The following SETX variants were observed in gnomAD, a reference collection of about 807,000 sequenced individuals.
The protein encoded by SETX is senataxin, also known as helicase senataxin.
SETX carries 90 observed loss-of-function variants against 227.2 expected under a neutral mutation model. The ratio of observed to expected loss-of-function variants is 0.40; its 90% CI spans 0.33 to 0.47. The LOEUF is 0.47. SETX is among the 20% of genes least tolerant of loss of function. The pLI, the probability that SETX is intolerant of heterozygous loss-of-function variation, is 0.91. For synonymous variants in SETX, 1,210 were observed against 1,113.2 expected, an observed-to-expected ratio of 1.09 and a Z score of -1.73; for missense variants, 3,052 against 3,181.5, an observed-to-expected ratio of 0.96 and a Z score of 0.98.
chr9:132,268,185 T>C (rs1047534781), intron 25 of SETX, among the ~76,000 whole-genome samples: 4 of 152,180 alleles, frequency 2.6e-5, no homozygotes, highest in Non-Finnish European at 4.4e-5. Flanking sequence ...GAGATAACTA[T>C]AGATTTACAG....
At chr9:132,301,383 G>A (rs918738742) in intron 11 of SETX, among the ~76,000 whole-genome samples, 6 of 151,952 alleles carry the variant, frequency 3.9e-5, no homozygotes, top group Non-Finnish European at 8.8e-5. Flanking sequence ...CACTGTGCCT[G>A]GCCTATTCTG....
Position 132,313,694 on chromosome 9 carries a change from A to C in SETX, c.5275-1838T>G, listed in dbSNP as rs1265331558. Among the ~76,000 whole-genome samples, 12 of 152,290 alleles carry C rather than the reference A, an allele frequency of 7.9e-5. No homozygotes were observed. The South Asian group carries it at 2.3e-3, about 29-fold the overall frequency. The stretch of plus-strand genomic sequence containing the variant: ...GTTTCACACTAAATGAAATAACTTC[A>C]AAGTACAAACAAGTGTATGTTTGTG... On this transcript the variant is annotated intron_variant, in intron 10 of 25. Transcript: ENST00000224140.
At position 132,342,706 on chromosome 9, in the gene SETX, A is replaced by C. The variant is rs1848052674; in HGVS notation, c.482T>G (p.Val161Gly). The C allele has an allele frequency of 6.2e-7, 1 of 1,612,482 alleles. No homozygotes were observed. The highest frequency in any genetic ancestry group is 8.5e-7 in the Non-Finnish European group (1 of 1,178,602). ...DKHPGIYLFLVHPNEMVRRWA... is the reference protein window; with the variant it reads ...DKHPGIYLFLGHPNEMVRRWA... ...CACACTCACCATTTCATTGGGATGG[A>C]CTAAAAACAAATAGATCCCTGGATG... Residue 161 changes from valine (V) to glycine (G), a missense_variant, in exon 5 of 26, where the codon GTC becomes GGC. By Grantham distance (109) the Val-to-Gly change is moderately radical. This residue lies in a region of SETX where 239 missense variants were observed against 240.8 expected (regional missense o/e 0.99). Coordinates refer to ENST00000224140, the MANE Select transcript of SETX (RefSeq NM_015046.7).
intron 25 of SETX, among the ~76,000 whole-genome samples, chr9:132,265,573 C>A (rs1305943749): frequency 3.9e-5 from 6 of 152,120 alleles, no homozygotes; most frequent in Admixed American, 2.6e-4. Flanking sequence ...CAGGTCTGCA[C>A]TAGTCACTAG....
intron 18 of SETX, among the ~76,000 whole-genome samples, chr9:132,285,860 C>T (rs979699877): frequency 1.5e-5 from 2 of 129,148 alleles, no homozygotes. Flanking sequence ...AGCCTGGCAA[C>T]AGAGTGAGAC....
chr9:132,284,416 T>TA (rs1843718301), intron 18 of SETX, among the ~76,000 whole-genome samples: 3 of 152,228 alleles, frequency 2.0e-5, no homozygotes, highest in African/African-American at 7.2e-5. Context: ...AACTATATTT[T>TA]AGTCACATAG....
chr9:132,355,444 T>G (rs1848861575), upstream of SETX, among the ~76,000 whole-genome samples: 1 of 152,252 alleles, frequency 6.6e-6, no homozygotes, highest in South Asian at 2.1e-4. Flanking sequence ...AAATGTAAAT[T>G]ACATAAACGT....
Position 132,329,475 on chromosome 9 carries a change from CTTATT to C in SETX, c.2118_2122del (p.Ile707TyrfsTer29). 1 of 1,612,512 alleles carries C rather than the reference CTTATT, an allele frequency of 6.2e-7. No individual in the cohort carries two copies. ...TTTTACAGACTTCTGCTTCCTTGTACTTATTTTAATTTGATCTTCAGCTCTTTCAG... is the reference window on the plus strand; with the variant it reads ...TTTTACAGACTTCTGCTTCCTTGTACTTAATTTGATCTTCAGCTCTTTCAG... On this transcript the variant is annotated frameshift_variant, in exon 10 of 26. Transcript: ENST00000224140. LOFTEE classifies it high-confidence loss of function.
At chr9:132,286,138 A>G (rs964512413) in intron 18 of SETX, among the ~76,000 whole-genome samples, 12 of 148,804 alleles carry the variant, frequency 8.1e-5, no homozygotes, top group Admixed American at 6.1e-4. Context: ...AGCCAAGATC[A>G]CGCCACTATA....
chr9:132,339,941 T>C (rs1847859309), intron 5 of SETX, among the ~76,000 whole-genome samples: 1 of 152,172 alleles, frequency 6.6e-6, no homozygotes, highest in Non-Finnish European at 1.5e-5. Context: ...TTTGTCCTGA[T>C]TTTTATTTTT....
chr9:132,279,060 C>CT lies in SETX; in HGVS notation c.6655-804dup, dbSNP rs144696241. On this transcript the variant is annotated intron_variant, in intron 20 of 25. Transcript: ENST00000224140. Reference sequence around the variant, plus strand: ...GTGAACTTTAAGCATAAAGTCAGCACTTGGGAAGTTTCAGATGGTGAAGCA... The same window carrying CT: ...GTGAACTTTAAGCATAAAGTCAGCACTTTGGGAAGTTTCAGATGGTGAAGCA... Among the ~76,000 whole-genome samples, 1,315 of 152,330 alleles carry CT rather than the reference C, an allele frequency of 8.6e-3. 15 individuals are homozygous for CT. Among genetic ancestry groups the CT allele is most frequent in the African/African-American group, 0.024 (1,001 of 41,590 alleles).
chr9:132,327,818 T>C lies in SETX; in HGVS notation c.3780A>G (p.Leu1260=), dbSNP rs375854407. 1.9e-6 allele frequency: 3 copies of C among 1,614,056 alleles called. No individual in the cohort carries two copies. In the African/African-American group the frequency reaches 4.0e-5, roughly 22 times the overall value. ...CTATAGCAGGAGTTGTTCTACAACT[T>C]AGGTAATTTGAACTTCTATTCTGTC... ...KKGQNRSSNY[L]SCRTTPAIVP... The change falls in exon 10 of 26, where the codon CTA becomes CTG. Residue 1260 remains leucine (L), a synonymous_variant. Transcript: ENST00000224140.
At chr9:132,281,723 A>G (rs1843524774) in intron 19 of SETX, 149 bp from the exon 20 acceptor site, 1 of 692,146 alleles carries the variant, frequency 1.4e-6, no homozygotes. Flanking sequence ...TGAAAACAAA[A>G]AAACAAAACA....
chr9:132,283,039 C>T (rs891787816), intron 19 of SETX: 4 of 557,008 alleles, frequency 7.2e-6, no homozygotes, highest in Non-Finnish European at 9.6e-6. Flanking sequence ...TGTTAGAAAC[C>T]ATCAGTCATC....
intron 25 of SETX, among the ~76,000 whole-genome samples, chr9:132,267,316 TCTCTAGAGATCCTTAGCCTGTGGCTCAAA>T (rs1292182424): frequency 6.6e-6 from 1 of 152,206 alleles, no homozygotes; most frequent in African/African-American, 2.4e-5. Flanking sequence ...CTCACTCAGA[TCTCTAGAGATCCTTAGCCTGTGGCTCAAA>T]CACATATGTG....
At chr9:132,342,558 T>G (rs1186427503) in intron 5 of SETX, 132 bp downstream of exon 5, 2 of 793,360 alleles carry the variant, frequency 2.5e-6, no homozygotes, top group Non-Finnish European at 4.5e-6. Flanking sequence ...TCTACTTAAC[T>G]GTAGTAAATT....
Position 132,329,790 on chromosome 9 carries a change from T to TTA in SETX, c.1806_1807dup (p.Asn603IlefsTer7). The TTA allele has an allele frequency of 6.2e-7, 1 of 1,614,064 alleles. No homozygotes were observed. Among genetic ancestry groups the TTA allele is most frequent in the Non-Finnish European group, 8.5e-7 (1 of 1,180,002 alleles). On this transcript the variant is annotated frameshift_variant, in exon 10 of 26. Transcript: ENST00000224140. LOFTEE classifies it high-confidence loss of function. ...TGCAGAAGTCAGATCCACAAAAGTG[T>TTA]TACATGGAGGTGCTTTGAATTTTAT... is the stretch of plus-strand genomic sequence containing the variant.
intron 5 of SETX, among the ~76,000 whole-genome samples, chr9:132,341,969 T>C (rs146511085): frequency 1.4e-4 from 22 of 152,324 alleles, no homozygotes; most frequent in Non-Finnish European, 2.6e-4. Flanking sequence ...TTTAATATCA[T>C]TGGTATGTGT....
At position 132,321,483 on chromosome 9, in the gene SETX, C is replaced by T. The variant is rs191906082; in HGVS notation, c.5274+4841G>A. 7.8e-4 allele frequency among the ~76,000 whole-genome samples: 119 copies of T among 152,048 alleles called. 1 individual carries two copies. The highest frequency in any genetic ancestry group is 2.8e-3 in the African/African-American group (117 of 41,494). ...CATCCTGGCCAACATGGTGAAACCCCGTCTCTACTAAAAAATACAAAAAAT... is the reference window on the plus strand; with the variant it reads ...CATCCTGGCCAACATGGTGAAACCCTGTCTCTACTAAAAAATACAAAAAAT... On this transcript the variant is annotated intron_variant, in intron 10 of 25. Coordinates refer to ENST00000224140, the MANE Select transcript of SETX (RefSeq NM_015046.7).
Sources: gnomAD v4.1 joint callset for allele counts (sites outside exome capture counted in the v4.1 genomes callset) on GRCh38, gnomAD v4.1.1 for gene constraint, gnomAD v4.1.1 regional missense constraint, MANE v1.5 for transcripts, NCBI Gene and HGNC (gene_info 2026-07-23, HGNC 2026-07-21) for gene names.